The following ATP6V0B variants were observed in gnomAD, a reference collection of about 807,000 sequenced individuals.
The protein encoded by ATP6V0B is V-type proton ATPase 21 kDa proteolipid subunit c''.
A neutral mutation model predicts 26.2 loss-of-function variants in ATP6V0B; 4 were observed. The ratio of observed to expected loss-of-function variants is 0.15; its 90% CI spans 0.08 to 0.35. The LOEUF is 0.35. Among genes scored for constraint, ATP6V0B ranks in the 10% least tolerant of loss-of-function variants. The pLI, the probability that ATP6V0B is intolerant of heterozygous loss-of-function variation, is 1.00. For synonymous variants in ATP6V0B, 110 were observed against 105.8 expected (o/e 1.04, Z -0.24); for missense variants, 175 against 272.5 (o/e 0.64, Z 2.52).
chr1:43,977,868 T>C (rs1283627371), intron 7 of ATP6V0B, 113 bp from the exon 8 acceptor site: 16 of 1,610,754 alleles, frequency 9.9e-6, no homozygotes, highest in Non-Finnish European at 1.4e-5. Context: ...GTTAGTCATA[T>C]ATCTCTTGTG....
chr1:43,976,920 C>G lies in ATP6V0B; in HGVS notation c.400+96C>G. 1 of 1,601,502 alleles carries G rather than the reference C, an allele frequency of 6.2e-7. No individual in the cohort carries two copies. The highest frequency in any genetic ancestry group is 8.6e-7 in the Non-Finnish European group (1 of 1,169,204). On this transcript the variant is annotated intron_variant, in intron 6 of 7. Coordinates refer to ENST00000472174, the MANE Select transcript of ATP6V0B (RefSeq NM_004047.5). The surrounding 1 kb of genome is among the most constrained non-coding windows in gnomAD (Gnocchi z 4.6). ...TTGGGCCATCATTTTGATATTCTCT[C>G]ACCTACTTTTTCTGCTTTGCAGAGT... is the stretch of plus-strand genomic sequence containing the variant.
In ATP6V0B at chr1:43,976,571, T is replaced by A. The variant is rs2085523098; in HGVS notation, c.279-19T>A. The A allele has an allele frequency of 6.2e-7, 1 of 1,613,580 alleles. No homozygotes were observed. Among genetic ancestry groups the A allele is most frequent in the African/African-American group, 1.3e-5 (1 of 74,918 alleles). The stretch of plus-strand genomic sequence containing the variant: ...CTTTCTCCTTTCCACTCCTTACCCC[T>A]AATCTCTACCACTACCAGCATCATC... On this transcript the variant is annotated intron_variant, in intron 4 of 7. Transcript: ENST00000472174. The surrounding 1 kb of genome is among the most constrained non-coding windows in gnomAD (Gnocchi z 4.6).
chr1:43,977,849 T>C, intron 7 of ATP6V0B, 132 bp from the exon 8 acceptor site: 2 of 1,601,530 alleles, frequency 1.2e-6, no homozygotes, highest in South Asian at 1.1e-5. Context: ...TCACAGTGTG[T>C]CCATCCTGGT....
At chr1:43,975,351 C>T in intron 1 of ATP6V0B, 2 of 581,772 alleles carry the variant, frequency 3.4e-6, no homozygotes, top group Non-Finnish European at 6.0e-6. Context: ...GCCACTATCG[C>T]TGTCTCCCCT....
intron 1 of ATP6V0B, 101 bp downstream of exon 1, chr1:43,975,208 C>T (rs2085503744): frequency 7.7e-6 from 10 of 1,296,286 alleles, no homozygotes; most frequent in Non-Finnish European, 9.2e-6. Context: ...GCCCCCCGCG[C>T]GCTCTGCACC....
In ATP6V0B at chr1:43,976,027, T is replaced by A; in HGVS notation, c.117-63T>A. The A allele has an allele frequency of 1.3e-6, 2 of 1,575,006 alleles. No individual in the cohort carries two copies. The highest frequency in any genetic ancestry group is 1.7e-6 in the Non-Finnish European group (2 of 1,144,992). On this transcript the variant is annotated intron_variant, in intron 2 of 7. Coordinates refer to ENST00000472174, the MANE Select transcript of ATP6V0B (RefSeq NM_004047.5). The surrounding 1 kb of genome is among the most constrained non-coding windows in gnomAD (Gnocchi z 4.6). Reference sequence around the variant, plus strand: ...TGGGGTTGAAGGGGGTTTGAGGGGTTAAGATTTTGTGCTCCGCTTCCCTGC... The same window carrying A: ...TGGGGTTGAAGGGGGTTTGAGGGGTAAAGATTTTGTGCTCCGCTTCCCTGC...
intron 7 of ATP6V0B, chr1:43,977,441 T>TG: frequency 2.7e-6 from 4 of 1,458,662 alleles, no homozygotes; most frequent in Non-Finnish European, 3.6e-6. Context: ...CCCCCCTTTC[T>TG]AATGCGTTGT....
At position 43,976,243 on chromosome 1, in the gene ATP6V0B, G is replaced by A. The variant is rs1002115685; in HGVS notation, c.201-59G>A. 4 of 1,608,930 alleles carry A rather than the reference G, an allele frequency of 2.5e-6. No individual in the cohort carries two copies. Among genetic ancestry groups the A allele is most frequent in the African/African-American group, 2.7e-5 (2 of 74,776 alleles). On this transcript the variant is annotated intron_variant, in intron 3 of 7. Coordinates refer to ENST00000472174, the MANE Select transcript of ATP6V0B (RefSeq NM_004047.5). The surrounding 1 kb of genome is among the most constrained non-coding windows in gnomAD (Gnocchi z 4.6). ...GCAGGTGGTGTCACTGGGGTCTTAG[G>A]CATGCTGAGGGCAGTGACAGCTTGG...
At chr1:43,975,405 C>T in intron 1 of ATP6V0B, 2 of 552,766 alleles carry the variant, frequency 3.6e-6, no homozygotes, top group South Asian at 2.1e-5. Flanking sequence ...TGCTCCTGAC[C>T]GGCCCGCTCG....
At chr1:43,977,523 C>T in intron 7 of ATP6V0B, 8 of 1,429,218 alleles carry the variant, frequency 5.6e-6, no homozygotes, top group African/African-American at 1.4e-5. Flanking sequence ...TGTCTCCAGT[C>T]TGTATTTGTG....
At position 43,977,195 on chromosome 1, in the gene ATP6V0B, G is replaced by C. The variant is rs1393761885; in HGVS notation, c.570G>C (p.Gly190=). The change falls in exon 7 of 8, where the codon GGG becomes GGC. Residue 190 remains glycine, a synonymous_variant. Transcript: ENST00000472174. ...TTGGCAGCGCCATTGGCCTCTTTGG[G>C]GTCATCGTCGCAATTCTTCAGGTGA... ...EIFGSAIGLF[G]VIVAILQTSR... is the part of the protein sequence containing the mutation. The C allele has an allele frequency of 6.2e-7, 1 of 1,614,228 alleles. No homozygotes were observed. Among genetic ancestry groups the C allele is most frequent in the Non-Finnish European group, 8.5e-7 (1 of 1,180,038 alleles).
Position 43,976,153 on chromosome 1 carries a change from G to T in ATP6V0B, c.180G>T (p.Leu60=), listed in dbSNP as rs760632445. The part of the protein sequence containing the change: ...SNLGIGLAIS[L]SVVGAAWGIY... The stretch of plus-strand genomic sequence containing the variant: ...TGGGCATTGGCCTAGCTATCTCCCT[G>T]TCTGTGGTTGGGGCAGCCTGGTGAG... Residue 60 remains leucine (L), a synonymous_variant, in exon 3 of 8, where the codon CTG becomes CTT. Transcript: ENST00000472174. This position sits in a 1 kb window ranked among gnomAD's most constrained non-coding sequence, Gnocchi z 4.6. 3.7e-6 allele frequency: 6 copies of T among 1,613,908 alleles called. No homozygotes were observed. In the African/African-American group the frequency reaches 5.3e-5, roughly 14 times the overall value.
At position 43,976,038 on chromosome 1, in the gene ATP6V0B, G is replaced by A; in HGVS notation, c.117-52G>A. 1 of 1,587,358 alleles carries A rather than the reference G, an allele frequency of 6.3e-7. No homozygotes were observed. The highest frequency in any genetic ancestry group is 8.7e-7 in the Non-Finnish European group (1 of 1,156,000). On this transcript the variant is annotated intron_variant, in intron 2 of 7. Coordinates refer to ENST00000472174, the MANE Select transcript of ATP6V0B (RefSeq NM_004047.5). This position sits in a 1 kb window ranked among gnomAD's most constrained non-coding sequence, Gnocchi z 4.6. ...GGGGTTTGAGGGGTTAAGATTTTGT[G>A]CTCCGCTTCCCTGCTAGAGCTGAAC...
chr1:43,978,189 A>C lies in ATP6V0B; in HGVS notation c.*182A>C. The C allele has an allele frequency of 1.2e-6, 1 of 820,230 alleles. No homozygotes were observed. The highest frequency in any genetic ancestry group is 2.1e-5 in the Admixed American group (1 of 46,898). 50.8% of individuals were successfully genotyped at this position (820,230 alleles called of 1,614,324 possible). ...AGGCCGAGTCCTCAGTGCGGGGAGC[A>C]GGCTGCTGCTGCTGACTCTGTGCAG... is the stretch of plus-strand genomic sequence containing the variant. On this transcript the variant is annotated 3_prime_UTR_variant, in exon 8 of 8. Coordinates refer to ENST00000472174, the MANE Select transcript of ATP6V0B (RefSeq NM_004047.5).
intron 1 of ATP6V0B, 117 bp downstream of exon 1, chr1:43,975,224 C>T (rs1447639935): frequency 8.0e-7 from 1 of 1,253,346 alleles, no homozygotes; most frequent in South Asian, 1.4e-5. Flanking sequence ...GCACCCGAGG[C>T]TCTGGGGACT....
chr1:43,975,768 C>A, intron 1 of ATP6V0B, 32 bp from the exon 2 acceptor site: 1 of 1,584,226 alleles, frequency 6.3e-7, no homozygotes, highest in Non-Finnish European at 8.6e-7. Flanking sequence ...CCGAGCAGCC[C>A]GTAACCCCCT....
chr1:43,976,532 T>C lies in ATP6V0B; in HGVS notation c.279-58T>C. The C allele has an allele frequency of 6.3e-7, 1 of 1,597,102 alleles. No homozygotes were observed. Among genetic ancestry groups the C allele is most frequent in the Non-Finnish European group, 8.6e-7 (1 of 1,165,086 alleles). On this transcript the variant is annotated intron_variant, in intron 4 of 7. Coordinates refer to ENST00000472174, the MANE Select transcript of ATP6V0B (RefSeq NM_004047.5). The surrounding 1 kb of genome is among the most constrained non-coding windows in gnomAD (Gnocchi z 4.6). The stretch of plus-strand genomic sequence containing the variant: ...GGGACTTACTGGGCAGGAAGGACGG[T>C]TTCTTTCTCATTTCTTTCTCCTTTC...
rs1260462142 is a variant in ATP6V0B, at chr1:43,978,168, C to T, written c.*161C>T. On this transcript the variant is annotated 3_prime_UTR_variant, in exon 8 of 8. Coordinates refer to ENST00000472174, the MANE Select transcript of ATP6V0B (RefSeq NM_004047.5). Reference sequence around the variant, plus strand: ...GATTTGGAGGCACTGCAGTCCAGGCCGAGTCCTCAGTGCGGGGAGCAGGCT... The same window carrying T: ...GATTTGGAGGCACTGCAGTCCAGGCTGAGTCCTCAGTGCGGGGAGCAGGCT... 8.5e-6 allele frequency: 9 copies of T among 1,059,464 alleles called. No individual in the cohort carries two copies. Among genetic ancestry groups the T allele is most frequent in the East Asian group, 7.1e-5 (3 of 42,102 alleles). The allele number at this position is 1,059,464 out of a possible 1,614,324, so 65.6% of individuals were successfully genotyped here.
Position 43,975,781 on chromosome 1 carries a change from T to C in ATP6V0B, c.68-19T>C, listed in dbSNP as rs773676714. ...TACCGAGCAGCCCGTAACCCCCTTT[T>C]TCTCCCTCACTGCTGCAGGAGTCTG... is the stretch of plus-strand genomic sequence containing the variant. On this transcript the variant is annotated intron_variant, in intron 1 of 7. Transcript: ENST00000472174. 3.8e-6 allele frequency: 6 copies of C among 1,587,456 alleles called. No homozygotes were observed. In the African/African-American group the frequency reaches 8.2e-5, roughly 22 times the overall value.
Sources: gnomAD v4.1 joint callset for allele counts on GRCh38, gnomAD v4.1.1 for gene constraint, Gnocchi (gnomAD v3.1) non-coding constraint, MANE v1.5 for transcripts, NCBI Gene and HGNC (gene_info 2026-07-23, HGNC 2026-07-21) for gene names.